The following CDH13 variants were observed in gnomAD, a reference collection of about 807,000 sequenced individuals.
CDH13 encodes cadherin-13.
CDH13 carries 24 observed loss-of-function variants against 63.8 expected under a neutral mutation model. That is an observed-to-expected ratio of 0.38 (90% CI 0.27 to 0.53). CDH13 has a LOEUF of 0.53. Among genes scored for constraint, CDH13 ranks in the 20% least tolerant of loss-of-function variants. The pLI, the probability that CDH13 is intolerant of heterozygous loss-of-function variation, is 0.85. For synonymous variants in CDH13, 503 were observed against 355.3 expected (o/e 1.42, Z -4.67); for missense variants, 1,049 against 903.1 (o/e 1.16, Z -2.07).
At chr16:82,641,224 C>T (rs1909355914) in intron 1 of CDH13, among the ~76,000 whole-genome samples, 1 of 152,178 alleles carries the variant, frequency 6.6e-6, no homozygotes, top group Non-Finnish European at 1.5e-5. Context: ...CAGGGGTGAC[C>T]CCTGCCGTCA....
chr16:83,515,626 T>C (rs2074682644), intron 7 of CDH13, among the ~76,000 whole-genome samples: 1 of 152,192 alleles, frequency 6.6e-6, no homozygotes, highest in African/African-American at 2.4e-5. Flanking sequence ...AGTGTAAAAT[T>C]TCTCAAATGC....
intron 4 of CDH13, among the ~76,000 whole-genome samples, chr16:83,185,009 C>G (rs1567487566): frequency 6.6e-6 from 1 of 152,000 alleles, no homozygotes; most frequent in East Asian, 1.9e-4. Flanking sequence ...TATATATACA[C>G]TTTCCTCTAT....
intron 1 of CDH13, among the ~76,000 whole-genome samples, chr16:82,793,631 C>G (rs114840777): frequency 1.3e-5 from 2 of 152,146 alleles, no homozygotes; most frequent in African/African-American, 2.4e-5. Context: ...TTTTTATGCC[C>G]GATATAGTAA....
chr16:82,897,241 G>T (rs2041301666), intron 2 of CDH13, among the ~76,000 whole-genome samples: 1 of 152,162 alleles, frequency 6.6e-6, no homozygotes, highest in African/African-American at 2.4e-5. Context: ...GCATGACCTT[G>T]GCAAGAAATG....
intron 1 of CDH13, among the ~76,000 whole-genome samples, chr16:82,677,365 C>G (rs951497613): frequency 6.6e-6 from 1 of 151,626 alleles, no homozygotes; most frequent in Non-Finnish European, 1.5e-5. Context: ...TTTACAATTC[C>G]CATTTATTTA....
intron 4 of CDH13, among the ~76,000 whole-genome samples, chr16:83,159,557 C>T (rs2037357055): frequency 6.6e-6 from 1 of 152,136 alleles, no homozygotes; most frequent in African/African-American, 2.4e-5. Context: ...TAAACCTCTC[C>T]TCTGAAATTT....
chr16:82,836,348 C>G (rs2038767651), intron 1 of CDH13, among the ~76,000 whole-genome samples: 1 of 152,076 alleles, frequency 6.6e-6, no homozygotes, highest in Non-Finnish European at 1.5e-5. Flanking sequence ...CTGGGTTTCG[C>G]CATGTTAAGC....
intron 6 of CDH13, among the ~76,000 whole-genome samples, chr16:83,474,947 T>C (rs1003132207): frequency 6.6e-6 from 1 of 152,224 alleles, no homozygotes; most frequent in African/African-American, 2.4e-5. Flanking sequence ...AAGGAAGGCA[T>C]GTGCATTGTT....
intron 7 of CDH13, among the ~76,000 whole-genome samples, chr16:83,569,024 A>G (rs1338070401): frequency 6.6e-6 from 1 of 152,034 alleles, no homozygotes; most frequent in Non-Finnish European, 1.5e-5. Context: ...CAGCAATTCC[A>G]CATTCCTTAT....
chr16:82,907,597 T>C (rs904765229), intron 2 of CDH13, among the ~76,000 whole-genome samples: 2 of 152,164 alleles, frequency 1.3e-5, no homozygotes, highest in African/African-American at 4.8e-5. Context: ...TTCCTTTTTG[T>C]AAACTATGAC....
chr16:83,450,445 A>G (rs1567680846), intron 6 of CDH13, among the ~76,000 whole-genome samples: 1 of 152,194 alleles, frequency 6.6e-6, no homozygotes, highest in South Asian at 2.1e-4. Context: ...GCTCCTCATG[A>G]GGATCTATGT....
At chr16:83,485,134 T>G (rs1355893934) in intron 6 of CDH13, among the ~76,000 whole-genome samples, 1 of 152,372 alleles carries the variant, frequency 6.6e-6, no homozygotes, top group East Asian at 1.9e-4. Flanking sequence ...GTGAGAATAC[T>G]ATCATTTTGG....
Position 82,835,271 on chromosome 16 carries a change from C to T in CDH13, c.46-23091C>T, listed in dbSNP as rs188126188. ...ACAGGCACATGTGACCGGTGGCTGCCGCATTGGACAGTGGCAGCTCTAGAG... is the reference window on the plus strand; with the variant it reads ...ACAGGCACATGTGACCGGTGGCTGCTGCATTGGACAGTGGCAGCTCTAGAG... On this transcript the variant is annotated intron_variant, in intron 1 of 13. Coordinates refer to ENST00000567109, the MANE Select transcript of CDH13 (RefSeq NM_001257.5). 5.9e-5 allele frequency among the ~76,000 whole-genome samples: 9 copies of T among 152,300 alleles called. No homozygotes were observed. In the East Asian group the frequency reaches 1.4e-3, roughly 23 times the overall value.
intron 2 of CDH13, among the ~76,000 whole-genome samples, chr16:82,879,013 C>T (rs553124725): frequency 1.3e-5 from 2 of 152,174 alleles, no homozygotes; most frequent in South Asian, 2.1e-4. Flanking sequence ...ACCATGACAC[C>T]AACTACATCC....
At chr16:82,925,460 G>T (rs953867998) in intron 2 of CDH13, among the ~76,000 whole-genome samples, 1 of 152,212 alleles carries the variant, frequency 6.6e-6, no homozygotes, top group African/African-American at 2.4e-5. Context: ...ATGTCAATCA[G>T]CATTGCCCTG....
chr16:82,662,847 T>G (rs1912123644), intron 1 of CDH13, among the ~76,000 whole-genome samples: 1 of 151,918 alleles, frequency 6.6e-6, no homozygotes, highest in Non-Finnish European at 1.5e-5. Flanking sequence ...CAGGCCAGTG[T>G]GAGGTGGTAG....
intron 2 of CDH13, among the ~76,000 whole-genome samples, chr16:82,866,263 G>A (rs954157014): frequency 2.6e-5 from 4 of 151,272 alleles, no homozygotes; most frequent in Non-Finnish European, 5.9e-5. Flanking sequence ...TCCAGCCCCT[G>A]CCTGTTACAC....
At chr16:83,217,670 T>G (rs1340998124) in intron 5 of CDH13, among the ~76,000 whole-genome samples, 173 bp downstream of exon 5, 1 of 152,020 alleles carries the variant, frequency 6.6e-6, no homozygotes, top group African/African-American at 2.4e-5. Context: ...AGGGCAACAG[T>G]GGGGGGTCTT....
chr16:83,580,824 C>A (rs1224403252), intron 7 of CDH13, among the ~76,000 whole-genome samples: 2 of 152,030 alleles, frequency 1.3e-5, no homozygotes, highest in Non-Finnish European at 2.9e-5. Flanking sequence ...TATTTTACTT[C>A]TTTTATTTGT....
Sources: gnomAD v4.1 joint callset for allele counts (sites outside exome capture counted in the v4.1 genomes callset) on GRCh38, gnomAD v4.1.1 for gene constraint, MANE v1.5 for transcripts, NCBI Gene and HGNC (gene_info 2026-07-23, HGNC 2026-07-21) for gene names.